The following GPC6 variants were observed in gnomAD, a reference collection of about 807,000 sequenced individuals.
The protein encoded by GPC6 is glypican-6.
Under a neutral mutation model 55.2 loss-of-function variants are expected in GPC6, and 14 were observed. The observed-to-expected ratio is 0.25, with a 90% CI of 0.17 to 0.40. The LOEUF (loss-of-function observed/expected upper bound fraction) is 0.40, where lower values mean the gene tolerates loss of function less well. GPC6 is among the 10% of genes least tolerant of loss of function. GPC6 has a pLI of 1.00. For synonymous variants in GPC6, 278 were observed against 259.6 expected, an observed-to-expected ratio of 1.07 and a Z score of -0.68; for missense variants, 641 against 708.5, an observed-to-expected ratio of 0.90 and a Z score of 1.08.
chr13:93,487,760 C>T (rs897425542), intron 1 of GPC6, among the ~76,000 whole-genome samples: 2 of 152,018 alleles, frequency 1.3e-5, no homozygotes, highest in Admixed American at 6.6e-5. Context: ...ACGTGAAATC[C>T]GCATGTTCTA....
chr13:93,341,663 T>C (rs371762088), intron 1 of GPC6, among the ~76,000 whole-genome samples: 1 of 151,964 alleles, frequency 6.6e-6, no homozygotes, highest in Admixed American at 6.6e-5. Flanking sequence ...GTCAGATGCA[T>C]AGTTTGCAAA....
chr13:94,354,082 C>T (rs1878677839), intron 6 of GPC6, among the ~76,000 whole-genome samples: 1 of 152,156 alleles, frequency 6.6e-6, no homozygotes, highest in Non-Finnish European at 1.5e-5. Context: ...TGGTTCTTTG[C>T]AACAATGAAC....
chr13:93,652,836 A>G (rs549611478), intron 2 of GPC6, among the ~76,000 whole-genome samples: 1 of 152,206 alleles, frequency 6.6e-6, no homozygotes. Flanking sequence ...CATTTTGTCT[A>G]TGTGTTAGAA....
At chr13:94,043,761 C>T (rs562877952) in intron 4 of GPC6, among the ~76,000 whole-genome samples, 20 of 151,814 alleles carry the variant, frequency 1.3e-4, no homozygotes, top group Non-Finnish European at 2.5e-4. Flanking sequence ...GTTGCTAACC[C>T]ATACTCCTTT....
At chr13:93,682,531 T>C (rs1881883291) in intron 2 of GPC6, among the ~76,000 whole-genome samples, 1 of 152,046 alleles carries the variant, frequency 6.6e-6, no homozygotes. Flanking sequence ...GTAAGCGGCA[T>C]TCCACAGCAT....
At chr13:93,580,343 G>A (rs550558404) in intron 2 of GPC6, among the ~76,000 whole-genome samples, 74 of 152,256 alleles carry the variant, frequency 4.9e-4, no homozygotes, top group African/African-American at 1.7e-3. Flanking sequence ...TTACATATGA[G>A]TTATAGGGGG....
chr13:94,216,918 A>G (rs190408565), intron 4 of GPC6, among the ~76,000 whole-genome samples: 1 of 152,316 alleles, frequency 6.6e-6, no homozygotes, highest in African/African-American at 2.4e-5. Flanking sequence ...AAGAATTGGG[A>G]TTTAAAGTCA....
intron 3 of GPC6, among the ~76,000 whole-genome samples, chr13:93,886,949 T>G (rs1176870548): frequency 6.6e-6 from 1 of 152,020 alleles, no homozygotes; most frequent in Non-Finnish European, 1.5e-5. Flanking sequence ...CTGGACCTAC[T>G]ATGTAAATAT....
intron 5 of GPC6, among the ~76,000 whole-genome samples, chr13:94,290,989 C>T (rs1341860111): frequency 2.6e-5 from 4 of 152,076 alleles, no homozygotes; most frequent in South Asian, 2.1e-4. Context: ...GTCAGGAGTT[C>T]GAGACCAGCC....
chr13:93,731,442 C>A (rs573261322), intron 2 of GPC6, among the ~76,000 whole-genome samples: 2 of 152,182 alleles, frequency 1.3e-5, no homozygotes, highest in African/African-American at 4.8e-5. Flanking sequence ...TGTCATGGAA[C>A]ATTCCAGACT....
At chr13:93,791,247 T>G (rs1886026490) in intron 2 of GPC6, among the ~76,000 whole-genome samples, 1 of 152,222 alleles carries the variant, frequency 6.6e-6, no homozygotes, top group East Asian at 1.9e-4. Flanking sequence ...GGGTTGCTAC[T>G]GTATGCCAGG....
chr13:93,868,816 C>T (rs977616545), intron 3 of GPC6, among the ~76,000 whole-genome samples: 3 of 151,910 alleles, frequency 2.0e-5, no homozygotes, highest in East Asian at 2.0e-4. Flanking sequence ...AACCCTCTTT[C>T]GAGTATATCT....
intron 1 of GPC6, among the ~76,000 whole-genome samples, chr13:93,248,426 C>T (rs1594051594): frequency 6.8e-6 from 1 of 147,724 alleles, no homozygotes; most frequent in African/African-American, 2.5e-5. Flanking sequence ...TTTAAAAGGC[C>T]CACAAAAAGT....
rs1875840435 is a variant in GPC6, at chr13:93,227,572, C to T, written c.116C>T (p.Ala39Val). ...SCGEVRQAYG[A>V]KGFSLADIPY... ...GGAGAGGTCCGCCAGGCGTACGGTG[C>T]CAAGGGATTCAGCCTGGCGGACATC... The change falls in exon 1 of 9, where the codon GCC becomes GTC. Residue 39 changes from alanine to valine, a missense_variant. By Grantham distance (64) the Ala-to-Val change is moderately conservative. Coordinates refer to ENST00000377047, the MANE Select transcript of GPC6 (RefSeq NM_005708.5). This position sits in a 1 kb window ranked among gnomAD's most constrained non-coding sequence, Gnocchi z 4.3. The T allele has an allele frequency of 1.2e-6, 2 of 1,612,010 alleles. No individual in the cohort carries two copies. Among genetic ancestry groups the T allele is most frequent in the Non-Finnish European group, 1.7e-6 (2 of 1,179,382 alleles).
chr13:94,378,697 G>A (rs1880016104), intron 6 of GPC6, among the ~76,000 whole-genome samples: 1 of 152,164 alleles, frequency 6.6e-6, no homozygotes, highest in African/African-American at 2.4e-5. Context: ...AGTTTCCAGA[G>A]ACATAACAGT....
At chr13:93,395,977 A>C (rs1305198442) in intron 1 of GPC6, 1 of 152,204 alleles carries the variant, frequency 6.6e-6, no homozygotes. Context: ...ATGGAAAATA[A>C]ATGCCTTAGG....
At chr13:93,244,588 C>T (rs938211737) in intron 1 of GPC6, among the ~76,000 whole-genome samples, 2 of 152,206 alleles carry the variant, frequency 1.3e-5, no homozygotes, top group Admixed American at 1.3e-4. Context: ...AGCACTTCTC[C>T]ATGCTGCTCC....
intron 1 of GPC6, among the ~76,000 whole-genome samples, chr13:93,467,575 C>CTT (rs11426472): frequency 0.065 from 4,826 of 74,072 alleles, 392 homozygotes; most frequent in African/African-American, 0.1. Flanking sequence ...AGCTGTGATT[C>CTT]TTTTTTTTTT....
intron 4 of GPC6, among the ~76,000 whole-genome samples, chr13:94,273,358 A>G (rs1471322301): frequency 6.6e-6 from 1 of 152,236 alleles, no homozygotes; most frequent in Non-Finnish European, 1.5e-5. Flanking sequence ...GTGCAAGTTA[A>G]TAAAGAGGAA....
Sources: gnomAD v4.1 joint callset for allele counts (sites outside exome capture counted in the v4.1 genomes callset) on GRCh38, gnomAD v4.1.1 for gene constraint, Gnocchi (gnomAD v3.1) non-coding constraint, MANE v1.5 for transcripts, NCBI Gene and HGNC (gene_info 2026-07-23, HGNC 2026-07-21) for gene names.